TOX: variants seen among roughly 807,000 people sequenced by gnomAD.
TOX encodes the protein thymocyte selection associated high mobility group box, also known as thymocyte selection-associated high mobility group box protein TOX.
A neutral mutation model predicts 53.7 loss-of-function variants in TOX; 11 were observed. That is an observed-to-expected ratio of 0.20 (90% CI 0.13 to 0.34). The LOEUF (loss-of-function observed/expected upper bound fraction) is 0.34, where lower values mean the gene tolerates loss of function less well. TOX is among the 10% of genes least tolerant of loss of function. The pLI, the probability that TOX is intolerant of heterozygous loss-of-function variation, is 1.00. For synonymous variants in TOX, 225 were observed against 245.3 expected (o/e 0.92, Z 0.77); for missense variants, 570 against 664.6 (o/e 0.86, Z 1.56).
At chr8:58,943,519 T>C (rs1016162168) in intron 2 of TOX, among the ~76,000 whole-genome samples, 1 of 151,836 alleles carries the variant, frequency 6.6e-6, no homozygotes, top group African/African-American at 2.4e-5. Flanking sequence ...TACAGATCAT[T>C]CATTCTCCAA....
chr8:59,086,125 A>G (rs1456909266), intron 1 of TOX, among the ~76,000 whole-genome samples: 1 of 151,528 alleles, frequency 6.6e-6, no homozygotes, highest in African/African-American at 2.4e-5. Context: ...AGCTGGGACT[A>G]CGGGTGTGCG....
intron 1 of TOX, among the ~76,000 whole-genome samples, chr8:59,103,584 G>A (rs1215004625): frequency 6.6e-6 from 1 of 152,194 alleles, no homozygotes; most frequent in African/African-American, 2.4e-5. Context: ...GTAGATTGCA[G>A]AGGCAGTTCC....
intron 1 of TOX, among the ~76,000 whole-genome samples, chr8:59,056,913 C>T (rs979695092): frequency 1.3e-5 from 2 of 152,214 alleles, no homozygotes; most frequent in East Asian, 1.9e-4. Context: ...AAACTGCACA[C>T]TTACTTGAAC....
At chr8:58,927,351 A>G (rs1812180808) in intron 3 of TOX, among the ~76,000 whole-genome samples, 1 of 152,154 alleles carries the variant, frequency 6.6e-6, no homozygotes, top group South Asian at 2.1e-4. Flanking sequence ...GGCTCAATTG[A>G]GGTTTCCAAT....
intron 7 of TOX, among the ~76,000 whole-genome samples, chr8:58,811,466 C>T (rs530824671): frequency 3.3e-5 from 5 of 152,288 alleles, no homozygotes; most frequent in African/African-American, 7.2e-5. Flanking sequence ...AGAGCAAGTC[C>T]GAAAAAGCCT....
At chr8:58,940,811 C>A (rs1012131699) in intron 2 of TOX, among the ~76,000 whole-genome samples, 5 of 152,032 alleles carry the variant, frequency 3.3e-5, no homozygotes, top group African/African-American at 1.2e-4. Flanking sequence ...TTCCAGATGG[C>A]GTCTATTTGT....
At chr8:59,041,024 G>A (rs1182881447) in intron 1 of TOX, among the ~76,000 whole-genome samples, 2 of 151,580 alleles carry the variant, frequency 1.3e-5, no homozygotes, top group Non-Finnish European at 2.9e-5. Flanking sequence ...TCACTCACTG[G>A]CAGGGAGACC....
intron 3 of TOX, among the ~76,000 whole-genome samples, chr8:58,908,694 T>A (rs1160218274): frequency 6.6e-6 from 1 of 152,208 alleles, no homozygotes; most frequent in Non-Finnish European, 1.5e-5. Context: ...TGAGTATTTA[T>A]TCATTGATTA....
intron 1 of TOX, among the ~76,000 whole-genome samples, chr8:59,019,078 AT>A (rs1431250381): frequency 6.6e-6 from 1 of 152,106 alleles, no homozygotes; most frequent in Non-Finnish European, 1.5e-5. Flanking sequence ...ATTTTATAAA[AT>A]TTTTTTCATA....
At chr8:59,008,837 T>C (rs926945265) in intron 1 of TOX, among the ~76,000 whole-genome samples, 3 of 152,222 alleles carry the variant, frequency 2.0e-5, no homozygotes, top group Non-Finnish European at 4.4e-5. Flanking sequence ...GCTAATTTCT[T>C]AGCAGAATTT....
intron 3 of TOX, among the ~76,000 whole-genome samples, chr8:58,898,762 C>T (rs1811689414): frequency 6.6e-6 from 1 of 152,204 alleles, no homozygotes; most frequent in Non-Finnish European, 1.5e-5. Flanking sequence ...CCCACGAGGA[C>T]ACTGACTAAG....
intron 7 of TOX, among the ~76,000 whole-genome samples, chr8:58,809,599 G>T (rs1438001022): frequency 1.3e-5 from 2 of 152,206 alleles, no homozygotes; most frequent in African/African-American, 4.8e-5. Context: ...CAACCAGATT[G>T]GTTACTTGAT....
intron 6 of TOX, among the ~76,000 whole-genome samples, chr8:58,823,109 G>T (rs76759544): frequency 1.3e-5 from 2 of 152,174 alleles, no homozygotes; most frequent in African/African-American, 2.4e-5. Flanking sequence ...TTACAAAAGC[G>T]AGAATATTTG....
chr8:59,066,762 A>G (rs1804101433), intron 1 of TOX, among the ~76,000 whole-genome samples: 1 of 152,240 alleles, frequency 6.6e-6, no homozygotes, highest in Admixed American at 6.5e-5. Context: ...AAAGAAGTGA[A>G]CGAAAGTTCT....
chr8:59,039,265 G>C (rs751115208), intron 1 of TOX, among the ~76,000 whole-genome samples: 8 of 152,216 alleles, frequency 5.3e-5, no homozygotes, highest in Non-Finnish European at 1.0e-4. Flanking sequence ...GATTTGATAT[G>C]AATTGCAAGT....
intron 4 of TOX, among the ~76,000 whole-genome samples, 153 bp from the exon 5 acceptor site, chr8:58,838,464 T>C (rs963302944): frequency 1.3e-5 from 2 of 152,092 alleles, no homozygotes; most frequent in Non-Finnish European, 2.9e-5. Flanking sequence ...TATTTTTTTT[T>C]CCCAGATGAA....
At chr8:59,091,116 C>T (rs1291776672) in intron 1 of TOX, among the ~76,000 whole-genome samples, 1 of 152,140 alleles carries the variant, frequency 6.6e-6, no homozygotes, top group African/African-American at 2.4e-5. Flanking sequence ...TCTTCCCTTA[C>T]CTTCTCAGGT....
At position 59,087,397 on chromosome 8, in the gene TOX, A is replaced by G. The variant is rs903747622; in HGVS notation, c.102+31489T>C. On this transcript the variant is annotated intron_variant, in intron 1 of 8. Transcript: ENST00000361421. ...TGTTTGGAGAAAAATATAGCTAATC[A>G]ATTTCACTGTTAATTTTTTAATACC... 3.3e-5 allele frequency among the ~76,000 whole-genome samples: 5 copies of G among 152,314 alleles called. No homozygotes were observed. In the South Asian group the frequency reaches 6.2e-4, roughly 19 times the overall value.
At chr8:59,020,128 A>T (rs745847690) in intron 1 of TOX, among the ~76,000 whole-genome samples, 2 of 152,220 alleles carry the variant, frequency 1.3e-5, no homozygotes, top group Non-Finnish European at 2.9e-5. Context: ...TTTTGTGGAA[A>T]TGTTTTCAGG....
Sources: gnomAD v4.1 joint callset for allele counts (sites outside exome capture counted in the v4.1 genomes callset) on GRCh38, gnomAD v4.1.1 for gene constraint, MANE v1.5 for transcripts, NCBI Gene and HGNC (gene_info 2026-07-23, HGNC 2026-07-21) for gene names.